The following LUZP2 variants were observed in gnomAD, a reference collection of about 807,000 sequenced individuals.
LUZP2 encodes leucine zipper protein 2.
A neutral mutation model predicts 51.6 loss-of-function variants in LUZP2; 52 were observed. That is an observed-to-expected ratio of 1.01 (90% CI 0.81 to 1.27). The LOEUF is 1.27. Among genes scored for constraint, LUZP2 ranks in the 50% most tolerant of loss-of-function variants. The pLI is 0.00. For synonymous variants in LUZP2, 154 were observed against 137.3 expected, an observed-to-expected ratio of 1.12 and a Z score of -0.85; for missense variants, 436 against 395.4, an observed-to-expected ratio of 1.10 and a Z score of -0.87.
At chr11:24,609,622 C>A (rs891693171) in intron 1 of LUZP2, among the ~76,000 whole-genome samples, 1 of 147,376 alleles carries the variant, frequency 6.8e-6, no homozygotes, top group African/African-American at 2.5e-5. Flanking sequence ...CCCAGCTACT[C>A]GGAAGGCTGA....
chr11:25,060,689 G>C (rs543976105), intron 10 of LUZP2, among the ~76,000 whole-genome samples: 14 of 152,182 alleles, frequency 9.2e-5, no homozygotes, highest in African/African-American at 3.1e-4. Flanking sequence ...ATACTGTTCT[G>C]TGATTAAGTT....
intron 1 of LUZP2, among the ~76,000 whole-genome samples, chr11:24,615,313 G>C (rs758740975): frequency 6.6e-6 from 1 of 151,548 alleles, no homozygotes; most frequent in East Asian, 1.9e-4. Context: ...CCTTACCTAT[G>C]AATGCCAGTT....
chr11:25,051,482 T>C (rs1858512592), intron 10 of LUZP2, among the ~76,000 whole-genome samples: 1 of 152,176 alleles, frequency 6.6e-6, no homozygotes. Flanking sequence ...AAAAAGACTT[T>C]GGGCAGGAAG....
intron 5 of LUZP2, among the ~76,000 whole-genome samples, chr11:24,844,555 A>T (rs1260807139): frequency 6.6e-6 from 1 of 152,192 alleles, no homozygotes; most frequent in Non-Finnish European, 1.5e-5. Flanking sequence ...CATAAGTAAC[A>T]GGCAGCCAAA....
intron 9 of LUZP2, among the ~76,000 whole-genome samples, chr11:24,989,654 C>T (rs1856280092): frequency 6.6e-6 from 1 of 151,996 alleles, no homozygotes; most frequent in Non-Finnish European, 1.5e-5. Flanking sequence ...CAGTCAGGAA[C>T]AAAGCAAAAT....
rs369988171 is a variant in LUZP2 at position 24,558,441 on chromosome 11, TCAAA to T, written c.62+61139_62+61142del. Among the ~76,000 whole-genome samples, 1,076 of 118,324 alleles carry T rather than the reference TCAAA, an allele frequency of 9.1e-3. 13 individuals carry two copies. The highest frequency in any genetic ancestry group is 0.033 in the African/African-American group (1,033 of 30,846). 77.6% of individuals were successfully genotyped at this position (118,324 alleles called of 152,430 possible). A position where few individuals can be genotyped will look rare whatever the true frequency, so the allele number is the denominator to read the frequency against. ...TTCTGTCTCTCTGGAGAACTCTGAC[TCAAA>T]CAGTTTTTAAACATTTGTGAAAAAA... On this transcript the variant is annotated intron_variant, in intron 1 of 11. Transcript: ENST00000336930.
At chr11:25,033,496 G>A (rs1289250653) in intron 9 of LUZP2, among the ~76,000 whole-genome samples, 1 of 152,076 alleles carries the variant, frequency 6.6e-6, no homozygotes, top group Non-Finnish European at 1.5e-5. Flanking sequence ...GTGTGATGTC[G>A]AGGCTTGGGG....
At chr11:24,705,752 C>T (rs1275381715) in intron 1 of LUZP2, among the ~76,000 whole-genome samples, 1 of 152,092 alleles carries the variant, frequency 6.6e-6, no homozygotes, top group African/African-American at 2.4e-5. Flanking sequence ...GCCTGGACTG[C>T]TAAAAAGTGA....
chr11:24,597,064 T>C (rs1157553996), intron 1 of LUZP2, among the ~76,000 whole-genome samples: 2 of 152,200 alleles, frequency 1.3e-5, no homozygotes, highest in African/African-American at 4.8e-5. Flanking sequence ...AGTGCCATTA[T>C]GAGTGCTATT....
intron 9 of LUZP2, among the ~76,000 whole-genome samples, chr11:24,997,962 C>G (rs376823646): frequency 2.0e-5 from 3 of 152,146 alleles, no homozygotes; most frequent in African/African-American, 7.2e-5. Context: ...GGGCTCTGTT[C>G]TGTTCCATTG....
intron 9 of LUZP2, among the ~76,000 whole-genome samples, chr11:25,036,758 C>T (rs1030284802): frequency 1.3e-5 from 2 of 151,946 alleles, no homozygotes; most frequent in African/African-American, 2.4e-5. Flanking sequence ...GTTTAATTTT[C>T]ATGCGTTGAG....
chr11:24,499,650 C>T (rs887833394), intron 1 of LUZP2, among the ~76,000 whole-genome samples: 5 of 152,166 alleles, frequency 3.3e-5, no homozygotes, highest in African/African-American at 7.2e-5. Context: ...ACGCTGGATG[C>T]ATTAGCAGGT....
At chr11:24,568,006 A>T (rs1852297720) in intron 1 of LUZP2, among the ~76,000 whole-genome samples, 1 of 152,180 alleles carries the variant, frequency 6.6e-6, no homozygotes, top group Admixed American at 6.5e-5. Context: ...TAAACAATCT[A>T]ATCAAAAGGC....
intron 5 of LUZP2, among the ~76,000 whole-genome samples, chr11:24,848,502 G>T (rs935215957): frequency 1.3e-5 from 2 of 152,108 alleles, no homozygotes; most frequent in African/African-American, 4.8e-5. Flanking sequence ...TTAGCTGCCA[G>T]TTTGCTACTT....
intron 1 of LUZP2, among the ~76,000 whole-genome samples, chr11:24,716,509 C>T (rs1465295787): frequency 2.0e-5 from 3 of 152,028 alleles, no homozygotes; most frequent in African/African-American, 7.2e-5. Flanking sequence ...AGAAGGGTTC[C>T]AAGAATGAGG....
intron 4 of LUZP2, among the ~76,000 whole-genome samples, chr11:24,745,201 G>A (rs918572583): frequency 4.6e-5 from 7 of 152,254 alleles, no homozygotes; most frequent in South Asian, 4.1e-4. Context: ...TGGATGAAAC[G>A]TTCTGTATAT....
intron 7 of LUZP2, among the ~76,000 whole-genome samples, chr11:24,955,797 G>A (rs1855195441): frequency 1.3e-5 from 2 of 152,022 alleles, no homozygotes; most frequent in Admixed American, 1.3e-4. Flanking sequence ...ATAATATTGT[G>A]ACAAACTATT....
intron 5 of LUZP2, among the ~76,000 whole-genome samples, chr11:24,804,240 T>C (rs1001887464): frequency 5.3e-5 from 8 of 152,118 alleles, no homozygotes; most frequent in Non-Finnish European, 1.0e-4. Context: ...AGGCCAAGTA[T>C]TGGCAGATTG....
intron 7 of LUZP2, among the ~76,000 whole-genome samples, chr11:24,927,721 G>T (rs1055232089): frequency 1.1e-4 from 16 of 151,796 alleles, no homozygotes; most frequent in Non-Finnish European, 2.1e-4. Flanking sequence ...TGGCTATGTG[G>T]GCTTCTTTTG....
Sources: allele counts gnomAD v4.1 joint callset (sites outside exome capture counted in the v4.1 genomes callset), GRCh38; gene constraint gnomAD v4.1.1; transcripts MANE v1.5; gene names NCBI Gene and HGNC (gene_info 2026-07-23, HGNC 2026-07-21).